Variants in NF1 observed in about 807,000 individuals in gnomAD.
NF1 encodes neurofibromin 1.
Under a neutral mutation model 325.7 loss-of-function variants are expected in NF1, and 122 were observed. That is an observed-to-expected ratio of 0.37 (90% confidence interval 0.32 to 0.44). NF1 has a LOEUF of 0.44. NF1 is among the 20% of genes least tolerant of loss of function. NF1 has a pLI of 1.00. For synonymous variants in NF1, 1,091 were observed against 1,186.0 expected, an observed-to-expected ratio of 0.92 and a Z score of 1.65; for missense variants, 2,140 against 3,415.4, an observed-to-expected ratio of 0.63 and a Z score of 9.31.
rs786202297 is a variant in NF1 at position 31,229,071 on chromosome 17, A to C, written c.2456A>C (p.His819Pro). The C allele has an allele frequency of 1.2e-6, 2 of 1,611,892 alleles. No homozygotes were observed. The highest frequency in any genetic ancestry group is 1.7e-6 in the Non-Finnish European group (2 of 1,179,748). The part of the protein sequence containing the change: ...HKTIVKRRMS[H>P]VSGGGSIDLS... ...ACCATTGTTAAGAGGCGAATGTCCC[A>C]TGTGAGTGGAGGAGGATCCATAGAT... Residue 819 changes from histidine to proline, a missense_variant, in exon 21 of 58, where the codon CAT becomes CCT. Transcript: ENST00000358273.
At chr17:31,306,132 C>G (rs975111336) in intron 36 of NF1, among the ~76,000 whole-genome samples, 2 of 152,140 alleles carry the variant, frequency 1.3e-5, no homozygotes, top group African/African-American at 4.8e-5. Context: ...TTAGACACTA[C>G]TGTTCCTTCA....
chr17:31,363,897 C>T (rs1302816278), intron 57 of NF1, among the ~76,000 whole-genome samples: 1 of 151,920 alleles, frequency 6.6e-6, no homozygotes, highest in Non-Finnish European at 1.5e-5. Flanking sequence ...CACACCACCA[C>T]GCCTGGCTAA....
rs876660789 is a variant in NF1, at chr17:31,235,950, G to A, written c.3903G>A (p.Leu1301=). The A allele has an allele frequency of 2.5e-6, 4 of 1,613,918 alleles. No individual in the cohort carries two copies. The Middle Eastern group carries it at 5.0e-4, about 200-fold the overall frequency. The stretch of plus-strand genomic sequence containing the variant: ...GTGCTACCTATCTACAAAAACTCCT[G>A]GATCCTTTATTACGAATTGTGATCA... ...VYGATYLQKL[L]DPLLRIVITS... is the part of the protein sequence containing the mutation. Residue 1301 remains leucine (L), a synonymous_variant, in exon 29 of 58, where the codon CTG becomes CTA. Coordinates refer to ENST00000358273, the MANE Select transcript of NF1 (RefSeq NM_001042492.3).
At chr17:31,147,017 G>A (rs1916630992) in intron 1 of NF1, among the ~76,000 whole-genome samples, 1 of 152,164 alleles carries the variant, frequency 6.6e-6, no homozygotes, top group Non-Finnish European at 1.5e-5. Flanking sequence ...CCACCAAATG[G>A]CCAATTTGTT....
chr17:31,340,961 ATAATAT>A (rs1478636383), intron 47 of NF1, among the ~76,000 whole-genome samples: 1 of 152,082 alleles, frequency 6.6e-6, no homozygotes, highest in African/African-American at 2.4e-5. Flanking sequence ...ATACATGGTA[ATAATAT>A]TAATAGCTAC....
intron 13 of NF1, among the ~76,000 whole-genome samples, chr17:31,216,574 CA>C (rs1204474317): frequency 6.6e-6 from 1 of 152,082 alleles, no homozygotes; most frequent in African/African-American, 2.4e-5. Flanking sequence ...ACTCAGCTTG[CA>C]TCGTTTCTTA....
At position 31,334,908 on chromosome 17, in the gene NF1, G is replaced by A. The variant is rs144808600; in HGVS notation, c.5883G>A (p.Lys1961=). Residue 1961 remains lysine (K), a synonymous_variant, in exon 40 of 58, where the codon AAG becomes AAA. Coordinates refer to ENST00000358273, the MANE Select transcript of NF1 (RefSeq NM_001042492.3). The stretch of plus-strand genomic sequence containing the variant: ...TGTCAAATCTAGTTCGTTTTTGCAA[G>A]CATAATGATGATGCCAAACGACAAA... ...PWLSNLVRFC[K]HNDDAKRQRV... is the part of the protein sequence containing the mutation. 5.0e-5 allele frequency: 80 copies of A among 1,613,784 alleles called. No individual in the cohort carries two copies. The African/African-American group carries it at 9.1e-4, about 18-fold the overall frequency.
In NF1 at chr17:31,095,288, GC is replaced by G. The variant is rs1555594457; in HGVS notation, c.-16del. 3.3e-6 allele frequency: 5 copies of G among 1,534,934 alleles called. No individual in the cohort carries two copies. The highest frequency in any genetic ancestry group is 2.4e-5 in the South Asian group (2 of 83,848). Reference sequence around the variant, plus strand: ...GCGCCGGCCCACCCTTCCCTCCGCCGCCCCCCGGCCGCGGGGAGGACATGGC... The same window carrying G: ...GCGCCGGCCCACCCTTCCCTCCGCCGCCCCCGGCCGCGGGGAGGACATGGC... On this transcript the variant is annotated 5_prime_UTR_variant, in exon 1 of 58. Transcript: ENST00000358273.
In NF1 at chr17:31,374,051, G is replaced by A. The variant is rs2151601349; in HGVS notation, c.8416G>A (p.Gly2806Ser). The change falls in exon 58 of 58, where the codon GGC becomes AGC. Residue 2806 changes from glycine to serine, a missense_variant. By Grantham distance (56) the Gly-to-Ser change is moderately conservative. Around this residue, in one of 10 missense-constraint regions of NF1, gnomAD observed 522 missense variants for 749.0 expected, o/e 0.70. Coordinates refer to ENST00000358273, the MANE Select transcript of NF1 (RefSeq NM_001042492.3). Reference sequence around the variant, plus strand: ...GAACGTTGAACTCTCCCCTACCACTGGCCACTGTAACAGTGGACGAACTCG... The same window carrying A: ...GAACGTTGAACTCTCCCCTACCACTAGCCACTGTAACAGTGGACGAACTCG... ...KENVELSPTT[G>S]HCNSGRTRHG... The A allele has an allele frequency of 6.2e-7, 1 of 1,614,072 alleles. No homozygotes were observed.
chr17:31,132,171 G>T (rs1338802575), intron 1 of NF1, among the ~76,000 whole-genome samples: 1 of 151,748 alleles, frequency 6.6e-6, no homozygotes, highest in Non-Finnish European at 1.5e-5. Flanking sequence ...GGGCTCAAAT[G>T]ATCTTCTTTC....
intron 51 of NF1, among the ~76,000 whole-genome samples, chr17:31,355,608 G>A (rs2070251936): frequency 6.6e-6 from 1 of 152,188 alleles, no homozygotes; most frequent in Non-Finnish European, 1.5e-5. Flanking sequence ...CAGCACTCTG[G>A]GGAGACCAAG....
Position 31,229,819 on chromosome 17 carries a change from T to A in NF1, c.2851-16T>A. 6.2e-7 allele frequency: 1 copy of A among 1,611,600 alleles called. No individual in the cohort carries two copies. The highest frequency in any genetic ancestry group is 1.1e-5 in the South Asian group (1 of 90,974). ...GCATTGATGGCAAATCATTAATGTA[T>A]TTGTTCTTTCTTTAGGTTTTATTGA... On this transcript the variant is annotated splice_polypyrimidine_tract_variant and intron_variant, in intron 21 of 57. Transcript: ENST00000358273.
At chr17:31,288,508 GT>G (rs1391204611) in intron 36 of NF1, among the ~76,000 whole-genome samples, 1 of 139,324 alleles carries the variant, frequency 7.2e-6, no homozygotes, top group Non-Finnish European at 1.6e-5. Flanking sequence ...CCCAGAACTA[GT>G]TTTTTTTGCT....
At chr17:31,109,076 ATC>A (rs1287254903) in intron 1 of NF1, among the ~76,000 whole-genome samples, 1 of 152,246 alleles carries the variant, frequency 6.6e-6, no homozygotes, top group Non-Finnish European at 1.5e-5. Flanking sequence ...TCTTAGAATT[ATC>A]TGGATGCTGA....
At chr17:31,290,192 A>C (rs2068318266) in intron 36 of NF1, among the ~76,000 whole-genome samples, 1 of 152,158 alleles carries the variant, frequency 6.6e-6, no homozygotes, top group Admixed American at 6.5e-5. Flanking sequence ...TGTATAGACC[A>C]ATCTATTGAT....
intron 38 of NF1, among the ~76,000 whole-genome samples, chr17:31,329,539 G>A (rs1423162097): frequency 6.6e-6 from 1 of 152,178 alleles, no homozygotes; most frequent in Admixed American, 6.5e-5. Flanking sequence ...TTACTGGACA[G>A]GGGAGAAAAT....
chr17:31,159,173 G>A, intron 3 of NF1, 80 bp downstream of exon 3: 1 of 969,526 alleles, frequency 1.0e-6, no homozygotes, highest in Non-Finnish European at 1.7e-6. Context: ...TACAGATGTG[G>A]ACCAAGAGGA....
intron 1 of NF1, among the ~76,000 whole-genome samples, chr17:31,126,524 C>A (rs1290717837): frequency 2.0e-5 from 3 of 152,020 alleles, no homozygotes; most frequent in Non-Finnish European, 4.4e-5. Context: ...TGGCTCATTG[C>A]AACCTTTGCT....
At chr17:31,181,957 G>C (rs2066145734) in intron 7 of NF1, among the ~76,000 whole-genome samples, 172 bp downstream of exon 7, 1 of 152,066 alleles carries the variant, frequency 6.6e-6, no homozygotes, top group East Asian at 1.9e-4. Flanking sequence ...TTCTAAATTA[G>C]GCCCAACCCT....
Sources: gnomAD v4.1 joint callset for allele counts (sites outside exome capture counted in the v4.1 genomes callset) on GRCh38, gnomAD v4.1.1 for gene constraint, gnomAD v4.1.1 regional missense constraint, MANE v1.5 for transcripts, NCBI Gene and HGNC (gene_info 2026-07-23, HGNC 2026-07-21) for gene names.